The following KLF12 variants were observed in gnomAD, a reference collection of about 807,000 sequenced individuals.
The protein encoded by KLF12 is Krueppel-like factor 12.
KLF12 carries 9 observed loss-of-function variants against 37.8 expected under a neutral mutation model. That is an observed-to-expected ratio of 0.24 (90% CI 0.14 to 0.42). The LOEUF is 0.42. Ranked by LOEUF, KLF12 falls within the 10% of genes least tolerant of loss-of-function variation. The pLI, the probability that KLF12 is intolerant of heterozygous loss-of-function variation, is 1.00. For synonymous variants in KLF12, 208 were observed against 202.1 expected, an observed-to-expected ratio of 1.03 and a Z score of -0.25; for missense variants, 411 against 516.0, an observed-to-expected ratio of 0.80 and a Z score of 1.97.
At chr13:73,892,582 G>A (rs551102521) in intron 3 of KLF12, among the ~76,000 whole-genome samples, 1 of 152,264 alleles carries the variant, frequency 6.6e-6, no homozygotes, top group South Asian at 2.1e-4. Flanking sequence ...GCTTAAGGTT[G>A]ACATCTGCTA....
At chr13:73,744,861 G>A (rs1268210909) in intron 6 of KLF12, among the ~76,000 whole-genome samples, 2 of 152,260 alleles carry the variant, frequency 1.3e-5, no homozygotes, top group Admixed American at 1.3e-4. Context: ...TCTGATGGTG[G>A]CTAGTTGAGT....
chr13:74,062,131 T>G (rs1400170484), intron 1 of KLF12, among the ~76,000 whole-genome samples: 1 of 152,196 alleles, frequency 6.6e-6, no homozygotes, highest in African/African-American at 2.4e-5. Context: ...TCTGGCAGCT[T>G]TCATAGCCCT....
intron 3 of KLF12, among the ~76,000 whole-genome samples, chr13:73,930,561 A>C (rs1889618260): frequency 6.6e-6 from 1 of 152,208 alleles, no homozygotes; most frequent in African/African-American, 2.4e-5. Flanking sequence ...TAACGTTTGA[A>C]ATGCTTTCTA....
At chr13:74,288,172 A>G in the KLF12 span, among the ~76,000 whole-genome samples, 1 of 152,200 alleles carries the variant, frequency 6.6e-6, no homozygotes, top group Non-Finnish European at 1.5e-5. Context: ...AAATAACCCA[A>G]TGGATTTGAG....
chr13:73,728,428 T>C (rs967202008), intron 6 of KLF12, among the ~76,000 whole-genome samples: 4 of 152,204 alleles, frequency 2.6e-5, no homozygotes, highest in African/African-American at 9.6e-5. Context: ...CTTCTTCCTT[T>C]CTAATCTACA....
the KLF12 span, among the ~76,000 whole-genome samples, chr13:74,239,320 T>A: frequency 6.7e-6 from 1 of 149,818 alleles, no homozygotes. Context: ...TTGTTATAAT[T>A]TCTGTTCTTT....
intron 1 of KLF12, among the ~76,000 whole-genome samples, chr13:74,008,984 A>G (rs1156584912): frequency 6.6e-6 from 1 of 152,210 alleles, no homozygotes; most frequent in Non-Finnish European, 1.5e-5. Context: ...AATGAGGACC[A>G]TGGAGTGAAA....
At chr13:73,810,978 C>CTTTCTTTCTTTTTTTTTTTT (rs1882899630) in intron 5 of KLF12, among the ~76,000 whole-genome samples, 1 of 48,828 alleles carries the variant, frequency 2.0e-5, no homozygotes. Flanking sequence ...TTTAATTTTT[C>CTTTCTTTCTTTTTTTTTTTT]TTTCTTTTTT....
At chr13:73,770,428 T>C (rs1269209908) in intron 5 of KLF12, among the ~76,000 whole-genome samples, 1 of 152,214 alleles carries the variant, frequency 6.6e-6, no homozygotes, top group Non-Finnish European at 1.5e-5. Flanking sequence ...AGGTTCTCCA[T>C]CTGCCTTTAT....
chr13:74,031,738 A>G (rs986886215), intron 1 of KLF12, among the ~76,000 whole-genome samples: 1 of 152,170 alleles, frequency 6.6e-6, no homozygotes. Context: ...AAGTTACTTG[A>G]AAGATTAAAT....
intron 6 of KLF12, among the ~76,000 whole-genome samples, chr13:73,760,877 C>T (rs9600165): frequency 0.39 from 59,555 of 151,960 alleles, 11,912 homozygotes; most frequent in Middle Eastern, 0.48. Context: ...ATGGAGCATA[C>T]ATAAATGTGC....
intron 1 of KLF12, among the ~76,000 whole-genome samples, chr13:74,085,178 T>C (rs1345944269): frequency 6.6e-6 from 1 of 152,170 alleles, no homozygotes; most frequent in African/African-American, 2.4e-5. Context: ...AAAAGCATTC[T>C]AGTTGCTCAA....
chr13:73,778,142 A>G (rs1880737064), intron 5 of KLF12, among the ~76,000 whole-genome samples: 1 of 84,184 alleles, frequency 1.2e-5, no homozygotes. Context: ...CCAAAAAAAA[A>G]ATAAAAAAAG....
the KLF12 span, among the ~76,000 whole-genome samples, chr13:74,232,567 A>G: frequency 6.6e-6 from 1 of 152,200 alleles, no homozygotes; most frequent in African/African-American, 2.4e-5. Context: ...TACTTTTTAG[A>G]AATTTACTTT....
At chr13:73,941,388 C>G (rs1272900251) in intron 3 of KLF12, among the ~76,000 whole-genome samples, 1 of 152,116 alleles carries the variant, frequency 6.6e-6, no homozygotes, top group Non-Finnish European at 1.5e-5. Context: ...AAGCAAAACT[C>G]TATGTCGTAA....
At chr13:74,164,007 A>G in the KLF12 span, among the ~76,000 whole-genome samples, 74 of 152,298 alleles carry the variant, frequency 4.9e-4, no homozygotes, top group African/African-American at 1.7e-3. Context: ...ATTGAAGATG[A>G]CGCAGGTAAA....
chr13:73,835,346 A>T (rs1252074613), intron 4 of KLF12, among the ~76,000 whole-genome samples: 1 of 152,188 alleles, frequency 6.6e-6, no homozygotes, highest in Non-Finnish European at 1.5e-5. Context: ...CTAGATGGCA[A>T]TAAAAAGACT....
chr13:73,715,147 A>T (rs1420533010), intron 7 of KLF12, among the ~76,000 whole-genome samples: 1 of 152,162 alleles, frequency 6.6e-6, no homozygotes, highest in African/African-American at 2.4e-5. Flanking sequence ...GAGAAAGACT[A>T]CTAGATCACT....
At chr13:74,083,003 T>C (rs1875005138) in intron 1 of KLF12, among the ~76,000 whole-genome samples, 4 of 152,094 alleles carry the variant, frequency 2.6e-5, no homozygotes, top group Admixed American at 2.0e-4. Context: ...GGTGACAATA[T>C]GAAATTTAAA....
Sources: allele counts gnomAD v4.1 joint callset (sites outside exome capture counted in the v4.1 genomes callset), GRCh38; gene constraint gnomAD v4.1.1; transcripts MANE v1.5; gene names NCBI Gene and HGNC (gene_info 2026-07-23, HGNC 2026-07-21).